Variants in FSTL4 observed in about 807,000 individuals in gnomAD.
FSTL4 encodes the protein follistatin-related protein 4.
A neutral mutation model predicts 78.2 loss-of-function variants in FSTL4; 28 were observed. The observed-to-expected ratio is 0.36, with a 90% CI of 0.27 to 0.49. The LOEUF is 0.49. Among genes scored for constraint, FSTL4 ranks in the 20% least tolerant of loss-of-function variants. The pLI is 0.98. For missense variants in FSTL4, 922 were observed against 1,084.9 expected (o/e 0.85, Z 2.11); for synonymous variants, 422 against 440.5 (o/e 0.96, Z 0.53).
intron 3 of FSTL4, among the ~76,000 whole-genome samples, chr5:133,539,009 C>T (rs1759413885): frequency 1.3e-5 from 2 of 152,088 alleles, no homozygotes; most frequent in African/African-American, 4.8e-5. Flanking sequence ...CCTCAGGGCA[C>T]TGTTTATATG....
intron 4 of FSTL4, among the ~76,000 whole-genome samples, chr5:133,367,697 G>A (rs1467812530): frequency 2.8e-4 from 43 of 152,178 alleles, no homozygotes; most frequent in Admixed American, 2.6e-3. Context: ...GCAAGGAAGC[G>A]GGTTTCCCTG....
At chr5:133,238,178 G>A (rs868789211) in intron 7 of FSTL4, among the ~76,000 whole-genome samples, 3 of 152,184 alleles carry the variant, frequency 2.0e-5, no homozygotes, top group Non-Finnish European at 4.4e-5. Flanking sequence ...GAGACTAAAT[G>A]TTCAACGCAA....
chr5:133,532,716 T>C (rs979020566), intron 3 of FSTL4, among the ~76,000 whole-genome samples: 1 of 152,184 alleles, frequency 6.6e-6, no homozygotes, highest in African/African-American at 2.4e-5. Flanking sequence ...TTTGCTCTGA[T>C]AACCAAGGTC....
In FSTL4 at chr5:133,400,746, A is replaced by G; in HGVS notation, c.401T>C (p.Phe134Ser). 1 of 1,613,938 alleles carries G rather than the reference A, an allele frequency of 6.2e-7. No homozygotes were observed. The change falls in exon 4 of 16, where the codon TTC (phenylalanine) becomes TCC (serine). Residue 134 changes from phenylalanine (F) to serine (S), a missense_variant. Phe to Ser is a radical substitution (Grantham distance 155). Transcript: ENST00000265342. ...RITVIHSKDC[F>S]LKGDTCTMAG... ...AAGGGCCCTGTTCCTACCTTTGAGGAAACAGTCCTTGCTGTGGATGACGGT... is the reference window on the plus strand; with the variant it reads ...AAGGGCCCTGTTCCTACCTTTGAGGGAACAGTCCTTGCTGTGGATGACGGT...
At chr5:133,384,248 G>A (rs1755646490) in intron 4 of FSTL4, among the ~76,000 whole-genome samples, 1 of 152,204 alleles carries the variant, frequency 6.6e-6, no homozygotes, top group Non-Finnish European at 1.5e-5. Flanking sequence ...CAGGGACTGA[G>A]CCACAGGGTA....
At chr5:133,289,206 C>T (rs78158660) in intron 6 of FSTL4, among the ~76,000 whole-genome samples, 8 of 152,168 alleles carry the variant, frequency 5.3e-5, no homozygotes, top group Non-Finnish European at 7.4e-5. Context: ...CCAACTGCCC[C>T]GCTATTGATC....
intron 4 of FSTL4, among the ~76,000 whole-genome samples, chr5:133,395,339 C>G (rs1417519278): frequency 1.3e-5 from 2 of 152,162 alleles, no homozygotes; most frequent in African/African-American, 2.4e-5. Flanking sequence ...GACGCGCCGC[C>G]TTAAGAGCTG....
At chr5:133,783,704 C>T in the FSTL4 span, among the ~76,000 whole-genome samples, 18 of 152,208 alleles carry the variant, frequency 1.2e-4, no homozygotes, top group Non-Finnish European at 2.2e-4. Flanking sequence ...TTGTGCTGCC[C>T]CGTCATTTCC....
chr5:133,359,509 C>A (rs1447843556), intron 4 of FSTL4, among the ~76,000 whole-genome samples: 1 of 152,184 alleles, frequency 6.6e-6, no homozygotes, highest in Non-Finnish European at 1.5e-5. Context: ...ATCAGATCAG[C>A]AATGGCCCTT....
chr5:133,345,648 A>G (rs919411818), intron 4 of FSTL4, among the ~76,000 whole-genome samples: 5 of 152,244 alleles, frequency 3.3e-5, no homozygotes, highest in Non-Finnish European at 5.9e-5. Flanking sequence ...AAAAAAGCTC[A>G]TCATCACTGG....
chr5:133,468,284 G>T (rs971926580), intron 3 of FSTL4, among the ~76,000 whole-genome samples: 2 of 152,234 alleles, frequency 1.3e-5, no homozygotes, highest in Admixed American at 1.3e-4. Flanking sequence ...CTGCCCCAGG[G>T]CATCGCTCTC....
the FSTL4 span, among the ~76,000 whole-genome samples, chr5:133,644,170 A>T: frequency 1.2e-3 from 188 of 152,238 alleles, no homozygotes; most frequent in Non-Finnish European, 2.0e-3. Context: ...CACAGAGGAG[A>T]TGCGTAATCT....
the FSTL4 span, among the ~76,000 whole-genome samples, chr5:133,772,460 T>C: frequency 6.6e-6 from 1 of 152,206 alleles, no homozygotes; most frequent in Non-Finnish European, 1.5e-5. Context: ...CATTTTAATA[T>C]ATATTCAGTC....
At chr5:133,364,209 A>C (rs143214986) in intron 4 of FSTL4, among the ~76,000 whole-genome samples, 4 of 151,438 alleles carry the variant, frequency 2.6e-5, no homozygotes, top group African/African-American at 9.7e-5. Context: ...ACATGTTCAA[A>C]GTGCATCTTG....
chr5:133,607,356 A>G (rs1448887924), intron 1 of FSTL4, among the ~76,000 whole-genome samples: 1 of 152,222 alleles, frequency 6.6e-6, no homozygotes, highest in Admixed American at 6.5e-5. Context: ...AATAGAGACT[A>G]TCTATTTGGT....
At chr5:133,649,925 T>C in the FSTL4 span, among the ~76,000 whole-genome samples, 1 of 128,398 alleles carries the variant, frequency 7.8e-6, no homozygotes, top group African/African-American at 2.7e-5. Context: ...AAGTAATTTA[T>C]CACAAAAAAA....
the FSTL4 span, among the ~76,000 whole-genome samples, chr5:133,705,359 A>G: frequency 6.6e-6 from 1 of 152,208 alleles, no homozygotes; most frequent in Non-Finnish European, 1.5e-5. Context: ...TTGCCCAGCC[A>G]GAATATATAT....
intron 2 of FSTL4, among the ~76,000 whole-genome samples, chr5:133,589,143 G>A (rs1403096228): frequency 4.0e-5 from 2 of 50,236 alleles, no homozygotes; most frequent in African/African-American, 6.4e-5. Flanking sequence ...TGGTGGGGTC[G>A]GGGGAGGGGG....
chr5:133,526,872 G>A (rs1486117258), intron 3 of FSTL4, among the ~76,000 whole-genome samples: 1 of 152,140 alleles, frequency 6.6e-6, no homozygotes, highest in African/African-American at 2.4e-5. Context: ...GAGCTTGAGT[G>A]GACAGAGTTG....
Sources: allele counts gnomAD v4.1 joint callset (sites outside exome capture counted in the v4.1 genomes callset), GRCh38; gene constraint gnomAD v4.1.1; transcripts MANE v1.5; gene names NCBI Gene and HGNC (gene_info 2026-07-23, HGNC 2026-07-21).